USP8: variants seen among roughly 807,000 people sequenced by gnomAD.
The protein encoded by USP8 is ubiquitin carboxyl-terminal hydrolase 8.
USP8 carries 27 observed loss-of-function variants against 130.0 expected under a neutral mutation model. The observed-to-expected ratio is 0.21, with a 90% confidence interval of 0.15 to 0.29. USP8 has a LOEUF of 0.29. Ranked by LOEUF, USP8 falls within the 10% of genes least tolerant of loss-of-function variation. The probability of loss-of-function intolerance (pLI) is 1.00; values close to 1 mark genes in which losing one functional copy is unlikely to be tolerated. For missense variants in USP8, 1,029 were observed against 1,312.2 expected, an observed-to-expected ratio of 0.78 and a Z score of 3.33; for synonymous variants, 392 against 444.1, an observed-to-expected ratio of 0.88 and a Z score of 1.48.
chr15:50,490,924 A>G (rs1201577366), intron 14 of USP8, among the ~76,000 whole-genome samples: 2 of 152,142 alleles, frequency 1.3e-5, no homozygotes, highest in Non-Finnish European at 2.9e-5. Context: ...CCCCTTAGCC[A>G]ATAATGTAAG....
At chr15:50,432,410 C>G (rs894656161) in intron 1 of USP8, 1 of 152,198 alleles carries the variant, frequency 6.6e-6, no homozygotes, top group Non-Finnish European at 1.5e-5. Context: ...CCTCAGTCTC[C>G]CAGAGTGTTG....
chr15:50,431,332 A>G (rs1422800530), intron 1 of USP8, among the ~76,000 whole-genome samples: 1 of 152,080 alleles, frequency 6.6e-6, no homozygotes, highest in Non-Finnish European at 1.5e-5. Flanking sequence ...TCTTACTTAC[A>G]TATCCCTAAT....
intron 4 of USP8, among the ~76,000 whole-genome samples, chr15:50,453,875 T>A (rs1413971072): frequency 6.9e-6 from 1 of 143,924 alleles, no homozygotes; most frequent in African/African-American, 2.6e-5. Context: ...TTTTTTTTTT[T>A]TTTTTTTGAG....
At chr15:50,488,506 C>T (rs2052039030) in intron 12 of USP8, among the ~76,000 whole-genome samples, 1 of 149,998 alleles carries the variant, frequency 6.7e-6, no homozygotes, top group Admixed American at 6.7e-5. Context: ...ACCTCGGCTT[C>T]CTGAGTAGCT....
At chr15:50,428,195 C>T (rs2049807855) in intron 1 of USP8, among the ~76,000 whole-genome samples, 1 of 151,972 alleles carries the variant, frequency 6.6e-6, no homozygotes, top group South Asian at 2.1e-4. Flanking sequence ...CGGCTCACTG[C>T]ACCCTCCGTC....
intron 1 of USP8, among the ~76,000 whole-genome samples, chr15:50,424,914 A>G: frequency 6.7e-6 from 1 of 149,964 alleles, no homozygotes; most frequent in South Asian, 2.1e-4. Flanking sequence ...TTCCCCAGTC[A>G]CACTTGATTT....
intron 2 of USP8, among the ~76,000 whole-genome samples, chr15:50,439,790 C>CAAGAAT (rs979366156): frequency 7.5e-6 from 1 of 133,588 alleles, no homozygotes; most frequent in Non-Finnish European, 1.6e-5. Context: ...AACTCTGTCT[C>CAAGAAT]AATAATAATA....
intron 16 of USP8, among the ~76,000 whole-genome samples, chr15:50,495,487 G>GGA (rs1006435631): frequency 8.1e-6 from 1 of 123,696 alleles, no homozygotes; most frequent in Non-Finnish European, 1.7e-5. Context: ...AGAGATTGGA[G>GGA]GGGGGGGTCT....
rs749571683 is a variant in USP8, at chr15:50,500,802, A to G, written c.*1714A>G. The G allele has an allele frequency of 7.5e-6, 12 of 1,590,556 alleles. No homozygotes were observed. In the Admixed American group the frequency reaches 1.8e-4, roughly 24 times the overall value. The stretch of plus-strand genomic sequence containing the variant: ...GGGTGACTGAATTCTTGCAGAAAGC[A>G]GTGTAGTGGCCACCATCCAAATCAC... On this transcript the variant is annotated 3_prime_UTR_variant, in exon 20 of 20. Coordinates refer to ENST00000307179, the MANE Select transcript of USP8 (RefSeq NM_005154.5).
intron 10 of USP8, 100 bp downstream of exon 10, chr15:50,477,599 G>A: frequency 8.6e-7 from 1 of 1,157,368 alleles, no homozygotes; most frequent in Non-Finnish European, 1.2e-6. Flanking sequence ...CAGCACTTTG[G>A]GAGGCTGAGA....
intron 1 of USP8, chr15:50,426,960 CTT>C (rs5812516): frequency 1.3e-4 from 19 of 143,170 alleles, no homozygotes; most frequent in African/African-American, 2.4e-4. Flanking sequence ...TCTTCTTCTT[CTT>C]TTTTTTTTTT....
At chr15:50,429,823 A>G (rs562183371) in intron 1 of USP8, among the ~76,000 whole-genome samples, 1 of 152,318 alleles carries the variant, frequency 6.6e-6, no homozygotes, top group African/African-American at 2.4e-5. Flanking sequence ...ATTGAGAACT[A>G]TGTTTTTGGT....
intron 8 of USP8, among the ~76,000 whole-genome samples, chr15:50,473,077 A>G (rs1470160714): frequency 6.6e-6 from 1 of 152,238 alleles, no homozygotes; most frequent in Non-Finnish European, 1.5e-5. Flanking sequence ...ATGAACAGAA[A>G]GTGAAATGCA....
At chr15:50,481,127 A>G (rs2051752562) in intron 10 of USP8, among the ~76,000 whole-genome samples, 1 of 152,172 alleles carries the variant, frequency 6.6e-6, no homozygotes, top group Non-Finnish European at 1.5e-5. Flanking sequence ...TGACACTCAA[A>G]TGGAAATATT....
rs375815488 is a variant in USP8, at chr15:50,444,886, T to G, written c.249+3393T>G. On this transcript the variant is annotated intron_variant, in intron 3 of 19. Coordinates refer to ENST00000307179, the MANE Select transcript of USP8 (RefSeq NM_005154.5). ...GATTCTCTCACCTCAGCCTCCAGAG[T>G]AGCTGGGAGTACAGACACGCACCAC... 2.0e-3 allele frequency among the ~76,000 whole-genome samples: 298 copies of G among 152,066 alleles called. 1 individual carries two copies. Among genetic ancestry groups the G allele is most frequent in the South Asian group, 0.012 (56 of 4,820 alleles).
At chr15:50,495,493 G>C (rs886309828) in intron 16 of USP8, among the ~76,000 whole-genome samples, 2 of 130,950 alleles carry the variant, frequency 1.5e-5, no homozygotes, top group African/African-American at 3.2e-5. Flanking sequence ...TGGAGGGGGG[G>C]GTCTCACTAT....
chr15:50,470,568 G>A (rs2051341047), intron 7 of USP8, among the ~76,000 whole-genome samples: 1 of 150,812 alleles, frequency 6.6e-6, no homozygotes, highest in Non-Finnish European at 1.5e-5. Context: ...GCTTGAGGGT[G>A]TATGTCTGTG....
At chr15:50,424,543 T>G (rs1373070463) in intron 1 of USP8, 29 bp downstream of exon 1, 1 of 398,644 alleles carries the variant, frequency 2.5e-6, no homozygotes. Context: ...CCCTAGCACC[T>G]GTTCTCTGGG....
At chr15:50,486,550 A>C (rs1211050678) in intron 12 of USP8, among the ~76,000 whole-genome samples, 1 of 152,180 alleles carries the variant, frequency 6.6e-6, no homozygotes, top group East Asian at 1.9e-4. Context: ...CTGAATTCAC[A>C]GTTTTCTTAT....
Sources: gnomAD v4.1 joint callset for allele counts (sites outside exome capture counted in the v4.1 genomes callset) on GRCh38, gnomAD v4.1.1 for gene constraint, MANE v1.5 for transcripts, NCBI Gene and HGNC (gene_info 2026-07-23, HGNC 2026-07-21) for gene names.